Variants in ABCD3 observed in about 807,000 individuals in gnomAD.
ABCD3 encodes ATP binding cassette subfamily D member 3.
In ABCD3, 41 loss-of-function variants were observed where a neutral mutation model predicts 105.5. The observed-to-expected ratio is 0.39, with a 90% CI of 0.30 to 0.50. The LOEUF (loss-of-function observed/expected upper bound fraction) is 0.50, where lower values mean the gene tolerates loss of function less well. Among genes scored for constraint, ABCD3 ranks in the 20% least tolerant of loss-of-function variants. The pLI is 0.84. For synonymous variants in ABCD3, 258 were observed against 269.0 expected (o/e 0.96, Z 0.40); for missense variants, 622 against 806.3 (o/e 0.77, Z 2.77).
intron 7 of ABCD3, 113 bp from the exon 8 acceptor site, chr1:94,478,146 T>C: frequency 1.4e-6 from 1 of 694,364 alleles, no homozygotes; most frequent in East Asian, 2.8e-5. Flanking sequence ...GACCTCTACA[T>C]GTTGATAATT....
intron 16 of ABCD3, among the ~76,000 whole-genome samples, chr1:94,498,029 T>G (rs750821697): frequency 1.3e-5 from 2 of 152,160 alleles, no homozygotes; most frequent in Non-Finnish European, 2.9e-5. Context: ...TTTTCTAAAC[T>G]TTATCTCTCT....
intron 1 of ABCD3, among the ~76,000 whole-genome samples, chr1:94,441,331 C>G (rs1190551692): frequency 2.0e-5 from 3 of 152,106 alleles, no homozygotes; most frequent in Non-Finnish European, 4.4e-5. Context: ...ACTACTTTGG[C>G]AAAAACTTAA....
intron 1 of ABCD3, among the ~76,000 whole-genome samples, chr1:94,430,880 T>G (rs1372658423): frequency 1.3e-5 from 2 of 152,216 alleles, no homozygotes; most frequent in Admixed American, 1.3e-4. Flanking sequence ...AAGTTAAATA[T>G]ACACCATGGA....
Position 94,498,772 on chromosome 1 carries a change from C to G in ABCD3, c.1465-11C>G, listed in dbSNP as rs1557688178. 6.2e-7 allele frequency: 1 copy of G among 1,613,694 alleles called. No individual in the cohort carries two copies. The highest frequency in any genetic ancestry group is 8.5e-7 in the Non-Finnish European group (1 of 1,179,778). On this transcript the variant is annotated splice_polypyrimidine_tract_variant and intron_variant, in intron 17 of 22. Transcript: ENST00000370214. ...TTACAATTGTTCTTCTCCCTTCTCTCTCTTTAATAGTTATGGCCTCTTTTT... is the reference window on the plus strand; with the variant it reads ...TTACAATTGTTCTTCTCCCTTCTCTGTCTTTAATAGTTATGGCCTCTTTTT...
chr1:94,393,468 G>A, the ABCD3 span, among the ~76,000 whole-genome samples: 4,589 of 151,892 alleles, frequency 0.03, 247 homozygotes, highest in African/African-American at 0.11. Context: ...GTAAAACCCC[G>A]TCTCGACTAA....
Position 94,475,672 on chromosome 1 carries a change from C to T in ABCD3, c.562C>T (p.Leu188=), listed in dbSNP as rs1648705562. 1 of 1,611,254 alleles carries T rather than the reference C, an allele frequency of 6.2e-7. No homozygotes were observed. The highest frequency in any genetic ancestry group is 8.5e-7 in the Non-Finnish European group (1 of 1,177,708). ...CAACAGAATAGCTAATCCAGACCAG[C>T]TGCTTACACAAGATGTAGAAAAATT... The part of the protein sequence containing the change: ...LDNRIANPDQ[L]LTQDVEKFCN... The change falls in exon 7 of 23, where the codon CTG becomes TTG. Residue 188 remains leucine (L), a synonymous_variant. Transcript: ENST00000370214.
chr1:94,506,686 C>A, intron 21 of ABCD3, 44 bp downstream of exon 21: 2 of 1,337,864 alleles, frequency 1.5e-6, no homozygotes, highest in Non-Finnish European at 2.2e-6. Flanking sequence ...GGCCTCCTAC[C>A]TAGTGTAAAC....
chr1:94,425,799 A>G (rs192880738), intron 1 of ABCD3, among the ~76,000 whole-genome samples: 163 of 152,294 alleles, frequency 1.1e-3, no homozygotes, highest in African/African-American at 3.8e-3. Context: ...AAAAATGAAC[A>G]TTTTTTTGTG....
intron 1 of ABCD3, among the ~76,000 whole-genome samples, chr1:94,449,762 C>T (rs777590651): frequency 5.3e-5 from 8 of 152,134 alleles, no homozygotes; most frequent in East Asian, 1.9e-4. Flanking sequence ...TCTCAGTCTG[C>T]GTGCCACAGC....
intron 16 of ABCD3, among the ~76,000 whole-genome samples, chr1:94,493,548 A>T (rs1649637881): frequency 6.6e-6 from 1 of 151,558 alleles, no homozygotes; most frequent in African/African-American, 2.4e-5. Context: ...TTCCTCAGGG[A>T]TCTAGAACTA....
chr1:94,466,024 G>A (rs758787261), intron 3 of ABCD3, among the ~76,000 whole-genome samples: 2 of 151,936 alleles, frequency 1.3e-5, no homozygotes, highest in Non-Finnish European at 2.9e-5. Context: ...CCTCACTTTG[G>A]CATCATCTCC....
chr1:94,491,221 G>A lies in ABCD3; in HGVS notation c.1360G>A (p.Val454Ile). 1 of 1,612,278 alleles carries A rather than the reference G, an allele frequency of 6.2e-7. No homozygotes were observed. The highest frequency in any genetic ancestry group is 8.5e-7 in the Non-Finnish European group (1 of 1,178,746). ...TCCTTTAGCAACGCCAAATGGAGAT[G>A]TTTTGATCCGAGACCTTAATTTTGA... ...HVPLATPNGD[V>I]LIRDLNFEVR... Residue 454 changes from valine (V) to isoleucine (I), a missense_variant, in exon 16 of 23, where the codon GTT becomes ATT. Coordinates refer to ENST00000370214, the MANE Select transcript of ABCD3 (RefSeq NM_002858.4).
intron 1 of ABCD3, among the ~76,000 whole-genome samples, chr1:94,428,077 T>A (rs914666514): frequency 2.0e-5 from 3 of 151,952 alleles, no homozygotes; most frequent in Non-Finnish European, 2.9e-5. Context: ...GTGTTTTGTT[T>A]TTTTTTTTAT....
chr1:94,486,511 A>G (rs1649285657), intron 10 of ABCD3, among the ~76,000 whole-genome samples: 1 of 152,238 alleles, frequency 6.6e-6, no homozygotes, highest in Admixed American at 6.5e-5. Context: ...GTTGCAGAAG[A>G]TACCAAGTTG....
At chr1:94,409,137 T>A in the ABCD3 span, among the ~76,000 whole-genome samples, 1 of 152,134 alleles carries the variant, frequency 6.6e-6, no homozygotes, top group Non-Finnish European at 1.5e-5. Flanking sequence ...AAAGAATGAA[T>A]AAGATCTAGT....
intron 21 of ABCD3, among the ~76,000 whole-genome samples, chr1:94,511,397 C>G (rs1414876905): frequency 6.6e-6 from 1 of 151,930 alleles, no homozygotes; most frequent in Non-Finnish European, 1.5e-5. Flanking sequence ...GTGGGTAACC[C>G]GACCTTTCTC....
intron 16 of ABCD3, among the ~76,000 whole-genome samples, chr1:94,492,397 TC>T (rs1253785319): frequency 3.3e-5 from 5 of 152,218 alleles, no homozygotes; most frequent in African/African-American, 1.2e-4. Flanking sequence ...TCTACTTTCT[TC>T]TCAATGAATT....
chr1:94,397,920 C>CTTAT, the ABCD3 span, among the ~76,000 whole-genome samples: 1 of 152,132 alleles, frequency 6.6e-6, no homozygotes, highest in South Asian at 2.1e-4. Flanking sequence ...GCATTCATCC[C>CTTAT]TGAGTCTTAA....
intron 19 of ABCD3, among the ~76,000 whole-genome samples, 170 bp from the exon 20 acceptor site, chr1:94,499,325 C>G (rs1007532263): frequency 6.6e-6 from 1 of 151,590 alleles, no homozygotes; most frequent in Non-Finnish European, 1.5e-5. Flanking sequence ...GGTGTAGATA[C>G]TAGGAGCTGA....
Sources: allele counts gnomAD v4.1 joint callset (sites outside exome capture counted in the v4.1 genomes callset), GRCh38; gene constraint gnomAD v4.1.1; transcripts MANE v1.5; gene names NCBI Gene and HGNC (gene_info 2026-07-23, HGNC 2026-07-21).